The following XKRX variants were observed in gnomAD, a reference collection of about 807,000 sequenced individuals.
The protein encoded by XKRX is XK-related protein 2.
In XKRX, 11 loss-of-function variants were observed where a neutral mutation model predicts 22.4. That is an observed-to-expected ratio of 0.49 (90% CI 0.31 to 0.81). The LOEUF is 0.81. Among genes scored for constraint, XKRX ranks in the 40% least tolerant of loss-of-function variants. XKRX has a pLI of 0.05. For synonymous variants in XKRX, 114 were observed against 132.2 expected, an observed-to-expected ratio of 0.86 and a Z score of 0.94; for missense variants, 320 against 336.5, an observed-to-expected ratio of 0.95 and a Z score of 0.38.
the XKRX span, among the ~76,000 whole-genome samples, chrX:100,905,551 T>C: frequency 8.9e-6 from 1 of 112,320 alleles, no homozygotes; most frequent in Non-Finnish European, 1.9e-5. Context: ...AAATCTCTAG[T>C]ATTCTCTCCC....
chrX:100,901,639 C>G, the XKRX span, among the ~76,000 whole-genome samples: 5 of 112,023 alleles, frequency 4.5e-5, no homozygotes, highest in Non-Finnish European at 9.4e-5. Flanking sequence ...TGGACATTTA[C>G]AAAACACTTC....
At chrX:100,956,651 A>G in the XKRX span, 1 of 545,982 alleles carries the variant, frequency 1.8e-6, no homozygotes. Context: ...GAATATAGAC[A>G]TGTGACCCTC....
At position 100,922,923 on chromosome X, in the gene XKRX, G is replaced by A. The variant is rs140402831; in HGVS notation, c.474C>T (p.Ile158=). Residue 158 remains isoleucine, a synonymous_variant, in exon 2 of 3, where the codon ATC becomes ATT. Transcript: ENST00000372956. Reference sequence around the variant, plus strand: ...CATTGCGGTGCATAGCCAGGGTCCGGATGGAGTGGCCCACCTCCCATTCTA... The same window carrying A: ...CATTGCGGTGCATAGCCAGGGTCCGAATGGAGTGGCCCACCTCCCATTCTA... The part of the protein sequence containing the change: ...VLIEWEVGHS[I]RTLAMHRNAY... 542 of 1,209,517 alleles carry A rather than the reference G, an allele frequency of 4.5e-4. 3 individuals carry two copies. The East Asian group carries it at 0.011, about 25-fold the overall frequency.
chrX:100,933,501 CAG>C (rs1178543865), upstream of XKRX, among the ~76,000 whole-genome samples: 37 of 91,447 alleles, frequency 4.0e-4, no homozygotes, highest in African/African-American at 1.5e-3. Flanking sequence ...AAAAAAAAAA[CAG>C]AATGCAAAAT....
chrX:100,951,234 CAA>C, the XKRX span, among the ~76,000 whole-genome samples: 4 of 25,479 alleles, frequency 1.6e-4, no homozygotes, highest in East Asian at 1.8e-3. Flanking sequence ...GGCTCCATCG[CAA>C]AAAAAAAAAA....
At chrX:100,893,576 C>T in the XKRX span, among the ~76,000 whole-genome samples, 1 of 112,214 alleles carries the variant, frequency 8.9e-6, no homozygotes, top group Non-Finnish European at 1.9e-5. Context: ...TGTCCACCAA[C>T]AGTTGATTGG....
chrX:100,900,786 TC>T, the XKRX span, among the ~76,000 whole-genome samples: 1 of 98,010 alleles, frequency 1.0e-5, no homozygotes, highest in Non-Finnish European at 2.1e-5. Context: ...CTTCACAATC[TC>T]CTTTTTTTTT....
At chrX:100,946,190 A>G in the XKRX span, among the ~76,000 whole-genome samples, 1 of 101,282 alleles carries the variant, frequency 9.9e-6, no homozygotes, top group Admixed American at 1.1e-4. Context: ...GTCTAAAAAG[A>G]AAAAAAAAAA....
chrX:100,900,734 T>C, the XKRX span, among the ~76,000 whole-genome samples: 1 of 109,284 alleles, frequency 9.2e-6, no homozygotes, highest in Non-Finnish European at 1.9e-5. Flanking sequence ...GGAAGGGGGG[T>C]TTGAGAATGT....
chrX:100,909,902 CAAAAAAAAAAAAAAA>C (rs5903174), downstream of XKRX, among the ~76,000 whole-genome samples: 119 of 34,557 alleles, frequency 3.4e-3, no homozygotes, highest in African/African-American at 9.4e-3. Context: ...GACTCCATCT[CAAAAAAAAAAAAAAA>C]AAAAAAAAAA....
At chrX:100,892,754 T>C in the XKRX span, among the ~76,000 whole-genome samples, 1 of 112,580 alleles carries the variant, frequency 8.9e-6, no homozygotes, top group Non-Finnish European at 1.9e-5. Context: ...ACAGCCATTA[T>C]GAAAAACAGT....
At chrX:100,936,540 C>CAAAAAAAAAAAAA in the XKRX span, among the ~76,000 whole-genome samples, 7 of 25,399 alleles carry the variant, frequency 2.8e-4, no homozygotes, top group Non-Finnish European at 4.9e-4. Context: ...GACTCTGTCT[C>CAAAAAAAAAAAAA]AAAAAAAAAA....
the XKRX span, among the ~76,000 whole-genome samples, chrX:100,897,593 A>ATATG: frequency 5.0e-4 from 33 of 66,462 alleles, 1 homozygote; most frequent in East Asian, 5.2e-3. Flanking sequence ...AAATATATAT[A>ATATG]TGTGTGTGTG....
the XKRX span, among the ~76,000 whole-genome samples, chrX:100,891,884 A>T: frequency 1.3e-4 from 15 of 111,446 alleles, no homozygotes; most frequent in East Asian, 5.6e-4. Context: ...ATACTATATT[A>T]AAAAAAACTC....
chrX:100,956,884 G>T, the XKRX span: 9 of 902,655 alleles, frequency 1.0e-5, no homozygotes, highest in Admixed American at 1.9e-4. Context: ...CCTAGAATTT[G>T]TCACAAGTGA....
the XKRX span, among the ~76,000 whole-genome samples, chrX:100,947,582 C>T: frequency 8.9e-6 from 1 of 112,195 alleles, no homozygotes; most frequent in African/African-American, 3.2e-5. Context: ...AATTTCCAAT[C>T]TCATTTGTAC....
At chrX:100,911,359 T>G (rs1302785397), downstream of XKRX, 8 of 822,590 alleles carry the variant, frequency 9.7e-6, no homozygotes, top group Non-Finnish European at 1.5e-5. Flanking sequence ...TTACCAAAGG[T>G]ACTGTCATTG....
At chrX:100,934,293 T>A (rs1246140499), upstream of XKRX, among the ~76,000 whole-genome samples, 1 of 111,712 alleles carries the variant, frequency 9.0e-6, no homozygotes, top group Non-Finnish European at 1.9e-5. Context: ...TGGAGATATA[T>A]TTTAAGAAAT....
At chrX:100,918,471 A>C (rs1163938374) in intron 2 of XKRX, among the ~76,000 whole-genome samples, 1 of 111,930 alleles carries the variant, frequency 8.9e-6, no homozygotes, top group Non-Finnish European at 1.9e-5. Flanking sequence ...CAGAAGGAAA[A>C]AAACCTGATG....
Sources: gnomAD v4.1 joint callset for allele counts (sites outside exome capture counted in the v4.1 genomes callset) on GRCh38, gnomAD v4.1.1 for gene constraint, MANE v1.5 for transcripts, NCBI Gene and HGNC (gene_info 2026-07-23, HGNC 2026-07-21) for gene names.